Variants in COL12A1 observed in about 807,000 individuals in gnomAD.
COL12A1 encodes the protein collagen type XII alpha 1 chain, also known as collagen alpha-1(XII) chain.
COL12A1 carries 114 observed loss-of-function variants against 349.7 expected under a neutral mutation model. The ratio of observed to expected loss-of-function variants is 0.33; its 90% CI spans 0.28 to 0.38. COL12A1 has a LOEUF of 0.38. Among genes scored for constraint, COL12A1 ranks in the 10% least tolerant of loss-of-function variants. The pLI is 1.00. For missense variants in COL12A1, 3,284 were observed against 3,756.9 expected, an observed-to-expected ratio of 0.87 and a Z score of 3.29; for synonymous variants, 1,369 against 1,329.0, an observed-to-expected ratio of 1.03 and a Z score of -0.66.
rs1289196292 is a variant in COL12A1 at position 75,087,618 on chromosome 6, G to A, written c.9140C>T (p.Ser3047Phe). 4 of 1,613,802 alleles carry A rather than the reference G, an allele frequency of 2.5e-6. No individual in the cohort carries two copies. In the African/African-American group the frequency reaches 4.0e-5, roughly 16 times the overall value. ...PPGPPGYCDS[S>F]QCASIPYNGQ... ...GTTGTATGGGATGCTGGCACACTGA[G>A]AAGAATCACAGTATCCAGGAGGACC... The change falls in exon 65 of 66, where the codon TCT (serine) becomes TTT (phenylalanine). Residue 3047 changes from serine (S) to phenylalanine (F), a missense_variant. Ser to Phe is a radical substitution (Grantham distance 155). Transcript: ENST00000322507.
chr6:75,167,842 C>T (rs566422958), intron 13 of COL12A1, among the ~76,000 whole-genome samples: 138 of 152,262 alleles, frequency 9.1e-4, no homozygotes, highest in Non-Finnish European at 1.5e-3. Context: ...CAATGAAGAC[C>T]TTTCCCAAGG....
rs779308474 is a variant in COL12A1, at chr6:75,102,708, G to T, written c.8320-16C>A. The T allele has an allele frequency of 2.0e-6, 3 of 1,506,878 alleles. No individual in the cohort carries two copies. In the East Asian group the frequency reaches 7.4e-5, roughly 37 times the overall value. 93.3% of individuals were successfully genotyped at this position (1,506,878 alleles called of 1,614,324 possible). ...CAGGGGGCCCCTAAAATACACAAGA[G>T]AGAGACAACCACAAAGTAATGTAAT... On this transcript the variant is annotated splice_polypyrimidine_tract_variant and intron_variant, in intron 55 of 65. Transcript: ENST00000322507.
At chr6:75,104,704 T>C (rs1019706819) in intron 54 of COL12A1, among the ~76,000 whole-genome samples, 8 of 152,218 alleles carry the variant, frequency 5.3e-5, no homozygotes, top group Non-Finnish European at 1.2e-4. Flanking sequence ...GTCATAGTCT[T>C]CTCACTCAAG....
At position 75,086,417 on chromosome 6, in the gene COL12A1, T is replaced by C. The variant is rs1767489964; in HGVS notation, c.*130A>G. ...ACCCTCCTTTGTGATGTCGACCCGG[T>C]TCGTTAACCATTATCTGTGGTGAGA... On this transcript the variant is annotated 3_prime_UTR_variant, in exon 66 of 66. Transcript: ENST00000322507. 2.9e-6 allele frequency: 2 copies of C among 696,048 alleles called. No individual in the cohort carries two copies. The highest frequency in any genetic ancestry group is 2.4e-5 in the South Asian group (1 of 41,770). The allele number at this position is 696,048 out of a possible 1,614,324, so 43.1% of individuals were successfully genotyped here.
Position 75,085,582 on chromosome 6 carries a change from G to T in COL12A1, c.*965C>A. On this transcript the variant is annotated 3_prime_UTR_variant, in exon 66 of 66. Transcript: ENST00000322507. ...AAAAAAAAAAACCTTCAAAAATCCA[G>T]CAGTAAACACAATCATTGCACAAAT... 5 of 324,052 alleles carry T rather than the reference G, an allele frequency of 1.5e-5. No homozygotes were observed. The highest frequency in any genetic ancestry group is 1.2e-4 in the South Asian group (5 of 40,248). The allele number at this position is 324,052 out of a possible 1,614,324, so 20.1% of individuals were successfully genotyped here. A position where few individuals can be genotyped will look rare whatever the true frequency, so the allele number is the denominator to read the frequency against.
chr6:75,133,967 A>C lies in COL12A1; in HGVS notation c.5555T>G (p.Val1852Gly). Residue 1852 changes from valine to glycine, a missense_variant, in exon 33 of 66, where the codon GTG (valine) becomes GGG (glycine). Physicochemically the swap from Val to Gly is moderately radical, Grantham distance 109. This residue lies in a region of COL12A1 where 2,601 missense variants were observed against 2,824.8 expected (regional missense o/e 0.92). Transcript: ENST00000322507. ...KPLNTVRNLRVYDPSTSTLNV... is the reference protein window; with the variant it reads ...KPLNTVRNLRGYDPSTSTLNV... ...CAAGGTGCTGGTAGAAGGGTCATAC[A>C]CTCTCAGGTTCCTTACAGTGTTTAG... is the stretch of plus-strand genomic sequence containing the variant. The C allele has an allele frequency of 6.2e-7, 1 of 1,613,888 alleles. No homozygotes were observed. Among genetic ancestry groups the C allele is most frequent in the Non-Finnish European group, 8.5e-7 (1 of 1,179,958 alleles).
At chr6:75,102,348 CTACTT>C (rs746100405) in intron 56 of COL12A1, among the ~76,000 whole-genome samples, 49 of 152,206 alleles carry the variant, frequency 3.2e-4, no homozygotes, top group Non-Finnish European at 3.8e-4. Context: ...TAGGGGATAT[CTACTT>C]TACTTATAAG....
chr6:75,179,639 C>T (rs562128834), intron 11 of COL12A1, among the ~76,000 whole-genome samples: 9 of 152,120 alleles, frequency 5.9e-5, no homozygotes, highest in African/African-American at 1.2e-4. Flanking sequence ...CAATGTGCAC[C>T]ATCCCTGTCA....
In COL12A1 at chr6:75,183,014, A is replaced by G. The variant is rs762067940; in HGVS notation, c.1891+36T>C. 22 of 1,541,132 alleles carry G rather than the reference A, an allele frequency of 1.4e-5. No homozygotes were observed. In the South Asian group the frequency reaches 2.7e-4, roughly 19 times the overall value. On this transcript the variant is annotated intron_variant, in intron 10 of 65. Transcript: ENST00000322507. Reference sequence around the variant, plus strand: ...TTTTAGAACCAAAAATTCTTTGTTCATGAAGAAATAACTTTTACTCTCAAA... The same window carrying G: ...TTTTAGAACCAAAAATTCTTTGTTCGTGAAGAAATAACTTTTACTCTCAAA...
At chr6:75,095,621 C>G (rs1767976676) in intron 59 of COL12A1, among the ~76,000 whole-genome samples, 1 of 51,094 alleles carries the variant, frequency 2.0e-5, no homozygotes, top group African/African-American at 1.1e-4. Context: ...GAGACTCCGT[C>G]TCAAAAAAAA....
At position 75,113,231 on chromosome 6, in the gene COL12A1, C is replaced by A; in HGVS notation, c.7923G>T (p.Lys2641Asn). ...TGTGAAAACTTCCATAAAATAATGT[C>A]TTTACTTCTTCTGTGTCAAATGTAA... ...QTVTFDTEEV[K>N]TLFYGSFHKV... The change falls in exon 51 of 66, where the codon AAG (lysine) becomes AAT (asparagine). Residue 2641 changes from lysine (K) to asparagine (N), a missense_variant. Lys to Asn is a moderately conservative substitution (Grantham distance 94). Transcript: ENST00000322507. The A allele has an allele frequency of 6.4e-7, 1 of 1,560,140 alleles. No individual in the cohort carries two copies. The highest frequency in any genetic ancestry group is 2.4e-5 in the East Asian group (1 of 42,144).
At position 75,168,705 on chromosome 6, in the gene COL12A1, T is replaced by A. The variant is rs2149443065; in HGVS notation, c.2711-2926A>T. ...AAAACCTCTACAATTCTTTATTCTT[T>A]CCCCTTTTTGCTCTTCTTTCTACTT... On this transcript the variant is annotated intron_variant, in intron 13 of 65. Coordinates refer to ENST00000322507, the MANE Select transcript of COL12A1 (RefSeq NM_004370.6). Among the ~76,000 whole-genome samples, 4 of 152,350 alleles carry A rather than the reference T, an allele frequency of 2.6e-5. No individual in the cohort carries two copies. The South Asian group carries it at 8.3e-4, about 32-fold the overall frequency.
In COL12A1 at chr6:75,139,091, A is replaced by T. The variant is rs532919812; in HGVS notation, c.4958-130T>A. ...CTGATTGAATACATTGCTTAGAACC[A>T]AATATTTCACCAATTCCTAGAGCTC... On this transcript the variant is annotated intron_variant, in intron 27 of 65. Transcript: ENST00000322507. The T allele has an allele frequency of 9.0e-6, 9 of 995,108 alleles. No homozygotes were observed. The African/African-American group carries it at 1.3e-4, about 14-fold the overall frequency. The allele number at this position is 995,108 out of a possible 1,614,324, so 61.6% of individuals were successfully genotyped here. A position where few individuals can be genotyped will look rare whatever the true frequency, so the allele number is the denominator to read the frequency against.
chr6:75,169,129 A>C (rs1479928599), intron 13 of COL12A1, among the ~76,000 whole-genome samples: 2 of 152,158 alleles, frequency 1.3e-5, no homozygotes, highest in Non-Finnish European at 2.9e-5. Context: ...AGAGCTGAGC[A>C]CATTTTCACA....
chr6:75,092,706 C>A (rs1391150816), intron 60 of COL12A1, among the ~76,000 whole-genome samples: 1 of 151,110 alleles, frequency 6.6e-6, no homozygotes, highest in African/African-American at 2.5e-5. Context: ...GTCTATTCTC[C>A]ACACAAAAAC....
rs371399251 is a variant in COL12A1 at position 75,091,362 on chromosome 6, G to A, written c.8713C>T (p.Arg2905Ter). Residue 2905 changes from arginine to a stop codon, truncating the protein, a stop_gained, in exon 62 of 66, where the codon CGA becomes TGA. Coordinates refer to ENST00000322507, the MANE Select transcript of COL12A1 (RefSeq NM_004370.6). LOFTEE classifies it high-confidence loss of function. ...TCACAGACTTGTCTTGCAACTGCTC[G>A]CATCATGTTCTGGGAAGCAATGTCT... Reference protein sequence around the residue: ...RGDIASQNMMRAVARQVCEQL... With the variant: ...RGDIASQNMM 1.9e-6 allele frequency: 3 copies of A among 1,613,616 alleles called. No homozygotes were observed. The highest frequency in any genetic ancestry group is 2.2e-5 in the South Asian group (2 of 91,064).
chr6:75,204,453 C>T (rs1742867751), intron 1 of COL12A1, among the ~76,000 whole-genome samples: 1 of 152,130 alleles, frequency 6.6e-6, no homozygotes, highest in African/African-American at 2.4e-5. Context: ...AATGAATCAT[C>T]TCGCGCCGGG....
intron 41 of COL12A1, 40 bp downstream of exon 41, chr6:75,124,215 T>C (rs761893386): frequency 1.8e-5 from 28 of 1,598,880 alleles, no homozygotes; most frequent in East Asian, 2.2e-5. Flanking sequence ...ATGTTTCCAC[T>C]ACATGCTCCA....
At chr6:75,147,916 G>T in intron 22 of COL12A1, 112 bp from the exon 23 acceptor site, 3 of 1,145,750 alleles carry the variant, frequency 2.6e-6, no homozygotes, top group South Asian at 1.9e-5. Flanking sequence ...ATTTCAATTA[G>T]GCCATTGTCT....
Sources: allele counts gnomAD v4.1 joint callset (sites outside exome capture counted in the v4.1 genomes callset), GRCh38; gene constraint gnomAD v4.1.1; regional missense constraint gnomAD v4.1.1; transcripts MANE v1.5; gene names NCBI Gene and HGNC (gene_info 2026-07-23, HGNC 2026-07-21).